Variants in MIPOL1 observed in about 807,000 individuals in gnomAD.
MIPOL1 encodes mirror-image polydactyly 1.
Under a neutral mutation model 60.9 loss-of-function variants are expected in MIPOL1, and 57 were observed. That is an observed-to-expected ratio of 0.94 (90% confidence interval 0.76 to 1.17). MIPOL1 has a LOEUF of 1.17. Ranked by LOEUF, MIPOL1 falls within the 50% of genes most tolerant of loss-of-function variation. The pLI, the probability that MIPOL1 is intolerant of heterozygous loss-of-function variation, is 0.00. For synonymous variants in MIPOL1, 179 were observed against 168.8 expected (o/e 1.06, Z -0.47); for missense variants, 551 against 511.6 (o/e 1.08, Z -0.74).
chr14:37,205,086 A>T (rs1357785689), intron 1 of MIPOL1, among the ~76,000 whole-genome samples: 1 of 151,790 alleles, frequency 6.6e-6, no homozygotes, highest in Non-Finnish European at 1.5e-5. Context: ...ATGATTTAAG[A>T]TATCTGATGG....
At chr14:37,314,880 G>A (rs1298096925) in intron 9 of MIPOL1, among the ~76,000 whole-genome samples, 1 of 152,138 alleles carries the variant, frequency 6.6e-6, no homozygotes, top group African/African-American at 2.4e-5. Flanking sequence ...AAAGCATTTA[G>A]TGAAATATTA....
At chr14:37,297,432 A>G (rs371429440) in intron 7 of MIPOL1, among the ~76,000 whole-genome samples, 4 of 152,156 alleles carry the variant, frequency 2.6e-5, no homozygotes, top group African/African-American at 7.2e-5. Flanking sequence ...CCTATTCAAC[A>G]TAGTGTTGGA....
At chr14:37,528,410 G>T (rs2095460736) in intron 12 of MIPOL1, among the ~76,000 whole-genome samples, 1 of 152,062 alleles carries the variant, frequency 6.6e-6, no homozygotes, top group Admixed American at 6.5e-5. Flanking sequence ...GCACATATCT[G>T]TGCAAATGGA....
chr14:37,485,664 T>G (rs940855415), intron 11 of MIPOL1, among the ~76,000 whole-genome samples: 1 of 152,220 alleles, frequency 6.6e-6, no homozygotes, highest in Non-Finnish European at 1.5e-5. Flanking sequence ...CTTTGCCCAC[T>G]TTTTGATGGG....
At chr14:37,368,688 C>A (rs1486429171) in intron 9 of MIPOL1, among the ~76,000 whole-genome samples, 1 of 151,896 alleles carries the variant, frequency 6.6e-6, no homozygotes, top group Non-Finnish European at 1.5e-5. Context: ...CATGTGTCTT[C>A]CTATTGTCCT....
At chr14:37,248,835 G>A (rs981465217) in intron 3 of MIPOL1, among the ~76,000 whole-genome samples, 1 of 152,054 alleles carries the variant, frequency 6.6e-6, no homozygotes, top group Non-Finnish European at 1.5e-5. Flanking sequence ...ACATATATGA[G>A]ACAGAGAAGA....
intron 1 of MIPOL1, among the ~76,000 whole-genome samples, chr14:37,201,104 C>T (rs1172005267): frequency 2.6e-5 from 4 of 151,544 alleles, no homozygotes; most frequent in African/African-American, 9.7e-5. Context: ...GGGGTTTTGC[C>T]ATGTTGCCCA....
intron 9 of MIPOL1, among the ~76,000 whole-genome samples, chr14:37,328,227 C>T (rs1437035050): frequency 6.6e-6 from 1 of 151,988 alleles, no homozygotes; most frequent in Non-Finnish European, 1.5e-5. Flanking sequence ...GTTGGCCAGG[C>T]TGGTCTTGAA....
chr14:37,267,352 G>T (rs971813420), intron 4 of MIPOL1, among the ~76,000 whole-genome samples, 183 bp downstream of exon 4: 1 of 152,122 alleles, frequency 6.6e-6, no homozygotes, highest in Non-Finnish European at 1.5e-5. Context: ...GCCAGGTGTG[G>T]TGGCACATGC....
At chr14:37,386,178 T>A (rs1245568896) in intron 10 of MIPOL1, among the ~76,000 whole-genome samples, 1 of 152,044 alleles carries the variant, frequency 6.6e-6, no homozygotes, top group Non-Finnish European at 1.5e-5. Context: ...TTCATATGAC[T>A]CTGAAATATT....
At chr14:37,318,382 T>A (rs940803882) in intron 9 of MIPOL1, among the ~76,000 whole-genome samples, 1 of 152,188 alleles carries the variant, frequency 6.6e-6, no homozygotes, top group South Asian at 2.1e-4. Context: ...CATTTAGAGT[T>A]ATGTTTTTCA....
intron 7 of MIPOL1, among the ~76,000 whole-genome samples, chr14:37,298,047 A>G (rs1035034427): frequency 2.0e-5 from 3 of 152,172 alleles, no homozygotes; most frequent in Non-Finnish European, 2.9e-5. Context: ...CTGACTTCAA[A>G]CTATACTACA....
chr14:37,231,959 G>C (rs974170984), intron 1 of MIPOL1, among the ~76,000 whole-genome samples: 2 of 152,052 alleles, frequency 1.3e-5, no homozygotes, highest in African/African-American at 4.8e-5. Flanking sequence ...GTATGTGCCT[G>C]TAGTCTAAGC....
chr14:37,347,919 T>G (rs2091062946), intron 9 of MIPOL1, among the ~76,000 whole-genome samples: 1 of 152,218 alleles, frequency 6.6e-6, no homozygotes, highest in Non-Finnish European at 1.5e-5. Context: ...AAACTTTTTC[T>G]TTTATTTTAG....
chr14:37,378,390 G>A (rs969917841), intron 10 of MIPOL1, among the ~76,000 whole-genome samples: 3 of 151,930 alleles, frequency 2.0e-5, no homozygotes, highest in Non-Finnish European at 4.4e-5. Flanking sequence ...GGTCTCAAGG[G>A]CATGATGCAA....
At chr14:37,512,816 T>C (rs961441114) in intron 12 of MIPOL1, among the ~76,000 whole-genome samples, 1 of 152,156 alleles carries the variant, frequency 6.6e-6, no homozygotes, top group South Asian at 2.1e-4. Context: ...ATCAATATTT[T>C]ATATAATGTT....
intron 11 of MIPOL1, among the ~76,000 whole-genome samples, chr14:37,430,492 A>G (rs930485448): frequency 1.1e-4 from 12 of 112,192 alleles, no homozygotes; most frequent in African/African-American, 3.2e-4. Flanking sequence ...CAAAAAGAAA[A>G]TTAAAATAGT....
At position 37,313,340 on chromosome 14, in the gene MIPOL1, T is replaced by C. The variant is rs1161955090; in HGVS notation, c.828+4821T>C. Among the ~76,000 whole-genome samples, 4 of 152,256 alleles carry C rather than the reference T, an allele frequency of 2.6e-5. No individual in the cohort carries two copies. In the East Asian group the frequency reaches 5.8e-4, roughly 22 times the overall value. On this transcript the variant is annotated intron_variant, in intron 9 of 12. Coordinates refer to ENST00000684589, the MANE Select transcript of MIPOL1 (RefSeq NM_001388067.1). Reference sequence around the variant, plus strand: ...AGTAATTCAAGTAATTATTCCTAGATATTCTGGCAAAATTAGGCTAGCTCT... The same window carrying C: ...AGTAATTCAAGTAATTATTCCTAGACATTCTGGCAAAATTAGGCTAGCTCT...
At chr14:37,489,346 C>T (rs1053991484) in intron 11 of MIPOL1, among the ~76,000 whole-genome samples, 11 of 152,138 alleles carry the variant, frequency 7.2e-5, no homozygotes, top group African/African-American at 2.7e-4. Context: ...GTTAGCATTT[C>T]CTCTAACCTT....
Sources: allele counts gnomAD v4.1 joint callset (sites outside exome capture counted in the v4.1 genomes callset), GRCh38; gene constraint gnomAD v4.1.1; transcripts MANE v1.5; gene names NCBI Gene and HGNC (gene_info 2026-07-23, HGNC 2026-07-21).